Variants in RBM41 observed in about 807,000 individuals in gnomAD.
RBM41 encodes the protein RNA-binding protein 41.
A neutral mutation model predicts 30.8 loss-of-function variants in RBM41; 14 were observed. That is an observed-to-expected ratio of 0.45 (90% CI 0.30 to 0.71). The LOEUF (loss-of-function observed/expected upper bound fraction) is 0.71. RBM41 is among the 30% of genes least tolerant of loss of function. RBM41 has a pLI of 0.08. For synonymous variants in RBM41, 120 were observed against 110.1 expected, an observed-to-expected ratio of 1.09 and a Z score of -0.56; for missense variants, 276 against 326.3, an observed-to-expected ratio of 0.85 and a Z score of 1.19.
chrX:107,095,594 TAA>T (rs763118713), intron 5 of RBM41, among the ~76,000 whole-genome samples: 12 of 94,146 alleles, frequency 1.3e-4, no homozygotes, highest in Admixed American at 1.2e-4. Flanking sequence ...AGACTCCATC[TAA>T]AAAAAAAAAA....
chrX:107,116,196 G>A (rs1924869310), intron 2 of RBM41, 142 bp from the exon 3 acceptor site: 1 of 988,824 alleles, frequency 1.0e-6, no homozygotes, highest in East Asian at 3.8e-5. Flanking sequence ...AAGCACCACT[G>A]CAACAAAATG....
At position 107,118,813 on chromosome X, in the gene RBM41, C is replaced by T; in HGVS notation, c.-40G>A. 1 of 1,204,633 alleles carries T rather than the reference C, an allele frequency of 8.3e-7. No individual in the cohort carries two copies. On this transcript the variant is annotated 5_prime_UTR_variant, in exon 1 of 8. Transcript: ENST00000685964. ...CTACCTCCAACTTGGGTAAATAGGC[C>T]GCGGACCTCAAGTCCCAGAACTCCG... is the stretch of plus-strand genomic sequence containing the variant.
intron 5 of RBM41, among the ~76,000 whole-genome samples, chrX:107,096,489 TG>T (rs2147651502): frequency 8.9e-6 from 1 of 111,912 alleles, no homozygotes; most frequent in African/African-American, 3.2e-5. Context: ...TCCACAAAGG[TG>T]CCAAGACAAT....
intron 6 of RBM41, among the ~76,000 whole-genome samples, chrX:107,080,231 C>T (rs1431761526): frequency 9.2e-6 from 1 of 108,748 alleles, no homozygotes; most frequent in Non-Finnish European, 1.9e-5. Flanking sequence ...GTATTACCAC[C>T]AGCAATGAAT....
intron 6 of RBM41, among the ~76,000 whole-genome samples, chrX:107,078,737 T>A (rs1028215737): frequency 1.8e-5 from 2 of 109,994 alleles, no homozygotes; most frequent in African/African-American, 6.6e-5. Context: ...TCAAAAAACA[T>A]AAAATCATCA....
chrX:107,061,012 C>T (rs1390258651), downstream of RBM41, among the ~76,000 whole-genome samples: 1 of 111,291 alleles, frequency 9.0e-6, no homozygotes, highest in Non-Finnish European at 1.9e-5. Flanking sequence ...GACAGACCCT[C>T]ATTAGGGACA....
chrX:107,058,665 G>T (rs1416137849), downstream of RBM41, among the ~76,000 whole-genome samples: 1 of 111,794 alleles, frequency 8.9e-6, no homozygotes, highest in Non-Finnish European at 1.9e-5. Context: ...TAGGCACAAA[G>T]GTAAGTAGGT....
chrX:107,082,685 A>G (rs1921640334), intron 6 of RBM41, among the ~76,000 whole-genome samples: 1 of 111,146 alleles, frequency 9.0e-6, no homozygotes, highest in African/African-American at 3.3e-5. Flanking sequence ...ACTTCTTTAT[A>G]TAATTTTTTT....
At chrX:107,103,251 G>C (rs934175251) in intron 5 of RBM41, among the ~76,000 whole-genome samples, 1 of 111,340 alleles carries the variant, frequency 9.0e-6, no homozygotes, top group African/African-American at 3.3e-5. Context: ...TTTGGAAATA[G>C]GGTCTTTGCA....
At position 107,115,988 on chromosome X, in the gene RBM41, A is replaced by G; in HGVS notation, c.192T>C (p.Ala64=). The change falls in exon 3 of 8, where the codon GCT becomes GCC. Residue 64 remains alanine (A), a synonymous_variant. Transcript: ENST00000685964. The part of the protein sequence containing the change: ...TMYKPFGKEA[A]GTMTLSQFQT... ...GGAATTGGGACAAAGTCATAGTCCCAGCTGCTTCCTTCCCAAAGGGCTTGT... is the reference window on the plus strand; with the variant it reads ...GGAATTGGGACAAAGTCATAGTCCCGGCTGCTTCCTTCCCAAAGGGCTTGT... 8.3e-7 allele frequency: 1 copy of G among 1,209,614 alleles called. No homozygotes were observed.
chrX:107,074,827 T>C (rs1936177961), intron 6 of RBM41, among the ~76,000 whole-genome samples: 1 of 111,770 alleles, frequency 8.9e-6, no homozygotes, highest in South Asian at 3.7e-4. Flanking sequence ...TATTAATATA[T>C]CCGAACTATC....
At position 107,067,537 on chromosome X, in the gene RBM41, C is replaced by G. The variant is rs1935887276; in HGVS notation, c.1304G>C (p.Ser435Thr). 8.3e-6 allele frequency: 10 copies of G among 1,202,161 alleles called. No individual in the cohort carries two copies. The African/African-American group carries it at 1.6e-4, about 19-fold the overall frequency. Residue 435 changes from serine to threonine, a missense_variant, in exon 8 of 8, where the codon AGT becomes ACT. Ser to Thr is a moderately conservative substitution (Grantham distance 58, BLOSUM62 1). Coordinates refer to ENST00000685964, the MANE Select transcript of RBM41 (RefSeq NM_001324242.2). The stretch of plus-strand genomic sequence containing the variant: ...CAATTTATATATATTCTAGCTACCA[C>G]TAATTTCTGTAGTGCTACCTGTAGC... ...SCATGSTTEI[S>T]GS
chrX:107,067,867 A>G (rs1250038598), intron 7 of RBM41, among the ~76,000 whole-genome samples, 174 bp from the exon 8 acceptor site: 3 of 111,886 alleles, frequency 2.7e-5, no homozygotes, highest in Non-Finnish European at 5.7e-5. Flanking sequence ...GCAAAATTAA[A>G]TTAATGGCAA....
At chrX:107,116,140 A>G (rs1924865854) in intron 2 of RBM41, 86 bp from the exon 3 acceptor site, 2 of 996,753 alleles carry the variant, frequency 2.0e-6, no homozygotes, top group Non-Finnish European at 2.6e-6. Context: ...AAGAGGTACA[A>G]TGAAACTCAC....
At chrX:107,116,313 T>G in intron 2 of RBM41, 1 of 878,131 alleles carries the variant, frequency 1.1e-6, no homozygotes, top group Non-Finnish European at 1.4e-6. Context: ...AAGGATTTAA[T>G]AGCTTTATAA....
chrX:107,094,682 T>C (rs1922818996), intron 5 of RBM41, among the ~76,000 whole-genome samples: 1 of 111,465 alleles, frequency 9.0e-6, no homozygotes, highest in South Asian at 3.8e-4. Context: ...TTCTGGATTA[T>C]GCAGGTGGGA....
chrX:107,103,596 T>A (rs1923655445), intron 5 of RBM41, among the ~76,000 whole-genome samples: 1 of 111,801 alleles, frequency 8.9e-6, no homozygotes, highest in African/African-American at 3.3e-5. Flanking sequence ...TAATAATTTG[T>A]TACAGCAGCC....
chrX:107,077,452 A>G (rs1340536987), intron 6 of RBM41, among the ~76,000 whole-genome samples: 1 of 110,851 alleles, frequency 9.0e-6, no homozygotes, highest in Non-Finnish European at 1.9e-5. Flanking sequence ...AATTTTTAAA[A>G]ATAAAGAGGA....
intron 5 of RBM41, among the ~76,000 whole-genome samples, chrX:107,109,577 C>T (rs780032489): frequency 9.0e-6 from 1 of 111,447 alleles, no homozygotes; most frequent in East Asian, 2.8e-4. Flanking sequence ...ATTATTTCCT[C>T]TATGTCATTT....
Sources: gnomAD v4.1 joint callset for allele counts (sites outside exome capture counted in the v4.1 genomes callset) on GRCh38, gnomAD v4.1.1 for gene constraint, MANE v1.5 for transcripts, NCBI Gene and HGNC (gene_info 2026-07-23, HGNC 2026-07-21) for gene names.